PALM2AKAP2: variants seen among roughly 807,000 people sequenced by gnomAD.
The protein encoded by PALM2AKAP2 is PALM2-AKAP2 fusion protein.
Under a neutral mutation model 71.5 loss-of-function variants are expected in PALM2AKAP2, and 37 were observed. The observed-to-expected ratio is 0.52, with a 90% CI of 0.40 to 0.68. The LOEUF (loss-of-function observed/expected upper bound fraction) is 0.68, where lower values mean the gene tolerates loss of function less well. Ranked by LOEUF, PALM2AKAP2 falls within the 30% of genes least tolerant of loss-of-function variation. The pLI, the probability that PALM2AKAP2 is intolerant of heterozygous loss-of-function variation, is 0.00. For synonymous variants in PALM2AKAP2, 468 were observed against 478.8 expected (o/e 0.98, Z 0.29); for missense variants, 1,224 against 1,191.8 (o/e 1.03, Z -0.40).
intron 1 of PALM2AKAP2, among the ~76,000 whole-genome samples, chr9:109,658,262 T>C (rs964461674): frequency 1.3e-5 from 2 of 151,706 alleles, no homozygotes; most frequent in African/African-American, 4.9e-5. Context: ...GGCCATGGGA[T>C]GAATGATATC....
At chr9:110,127,319 T>G (rs929971046) in intron 1 of PALM2AKAP2, among the ~76,000 whole-genome samples, 4 of 152,124 alleles carry the variant, frequency 2.6e-5, no homozygotes, top group African/African-American at 9.7e-5. Context: ...CGGGTCCAAA[T>G]TTAGCCTGCG....
intron 6 of PALM2AKAP2, among the ~76,000 whole-genome samples, chr9:109,995,645 A>G (rs1005548230): frequency 2.6e-5 from 4 of 152,050 alleles, no homozygotes; most frequent in Non-Finnish European, 5.9e-5. Flanking sequence ...ATCTCACAAG[A>G]CTTATTCACT....
At chr9:110,160,177 G>C (rs1262775109) in intron 3 of PALM2AKAP2, among the ~76,000 whole-genome samples, 1 of 152,158 alleles carries the variant, frequency 6.6e-6, no homozygotes, top group Non-Finnish European at 1.5e-5. Flanking sequence ...TGAAGATGCA[G>C]CCCTGCACCA....
chr9:110,156,236 GCT>G (rs1836452208), intron 2 of PALM2AKAP2, 81 bp from the exon 9 acceptor site: 1 of 1,458,190 alleles, frequency 6.9e-7, no homozygotes, highest in Non-Finnish European at 9.1e-7. Flanking sequence ...AGAGGTTGTT[GCT>G]CTTTTATTTG....
chr9:109,953,771 G>C (rs1831689315), intron 6 of PALM2AKAP2, among the ~76,000 whole-genome samples: 3 of 149,456 alleles, frequency 2.0e-5, no homozygotes, highest in African/African-American at 7.5e-5. Context: ...GGAGGTGGAG[G>C]CTGCAGTGAG....
At chr9:110,086,010 G>A (rs1834563716) in intron 1 of PALM2AKAP2, among the ~76,000 whole-genome samples, 1 of 151,874 alleles carries the variant, frequency 6.6e-6, no homozygotes, top group African/African-American at 2.4e-5. Context: ...GGGAGGTTGA[G>A]GCAGGAGAAT....
exon 1 of PALM2AKAP2, chr9:109,640,858 C>T (rs1319975502): frequency 6.6e-7 from 1 of 1,518,474 alleles, no homozygotes; most frequent in Non-Finnish European, 8.8e-7. Flanking sequence ...CGCGGAGCCC[C>T]GCGATGGAGT....
intron 2 of PALM2AKAP2, among the ~76,000 whole-genome samples, chr9:110,152,261 T>C (rs1306068404): frequency 6.6e-6 from 1 of 151,958 alleles, no homozygotes; most frequent in African/African-American, 2.4e-5. Flanking sequence ...AAGTGTTCTA[T>C]AGAGTGTTCA....
intron 7 of PALM2AKAP2, among the ~76,000 whole-genome samples, chr9:110,026,711 C>T (rs1330325761): frequency 6.6e-6 from 1 of 152,138 alleles, no homozygotes; most frequent in Non-Finnish European, 1.5e-5. Context: ...TATTTAATTG[C>T]CTTCTCAAAG....
chr9:109,763,467 A>C (rs576352037), intron 1 of PALM2AKAP2, among the ~76,000 whole-genome samples: 1 of 152,334 alleles, frequency 6.6e-6, no homozygotes, highest in East Asian at 1.9e-4. Context: ...GAATGATACT[A>C]CCATATCCAG....
chr9:110,014,073 C>G (rs898814510), intron 6 of PALM2AKAP2, among the ~76,000 whole-genome samples: 1 of 152,138 alleles, frequency 6.6e-6, no homozygotes, highest in Non-Finnish European at 1.5e-5. Context: ...GCTATGAACT[C>G]AAAGCCTAAA....
chr9:109,650,950 C>CA (rs1412621897), intron 1 of PALM2AKAP2, among the ~76,000 whole-genome samples: 4 of 151,732 alleles, frequency 2.6e-5, no homozygotes, highest in African/African-American at 7.3e-5. Flanking sequence ...ATGTGTATGG[C>CA]AAAAAAAGAG....
chr9:110,084,987 G>A (rs1834535099), intron 1 of PALM2AKAP2, among the ~76,000 whole-genome samples: 1 of 151,990 alleles, frequency 6.6e-6, no homozygotes, highest in Non-Finnish European at 1.5e-5. Context: ...TGATCTGCCT[G>A]CCTCGGCCTC....
chr9:109,888,711 CAAA>C (rs34495775), intron 3 of PALM2AKAP2, among the ~76,000 whole-genome samples: 2 of 98,826 alleles, frequency 2.0e-5, no homozygotes, highest in African/African-American at 8.1e-5. Flanking sequence ...ATTTTGCCTC[CAAA>C]AAAAAAAAAA....
At chr9:109,910,773 C>G (rs1830552372) in intron 3 of PALM2AKAP2, among the ~76,000 whole-genome samples, 1 of 151,980 alleles carries the variant, frequency 6.6e-6, no homozygotes, top group South Asian at 2.1e-4. Context: ...GAGGCATGGA[C>G]TTGACTAGGA....
intron 1 of PALM2AKAP2, among the ~76,000 whole-genome samples, chr9:109,750,380 T>C (rs761311117): frequency 6.6e-6 from 1 of 152,110 alleles, no homozygotes; most frequent in African/African-American, 2.4e-5. Context: ...ATAAAATATA[T>C]ACAATTGCAA....
At chr9:109,855,392 A>G (rs1216150855) in intron 1 of PALM2AKAP2, among the ~76,000 whole-genome samples, 1 of 152,198 alleles carries the variant, frequency 6.6e-6, no homozygotes, top group East Asian at 1.9e-4. Context: ...TTTATCTTTA[A>G]TGGCTGTGTT....
intron 1 of PALM2AKAP2, among the ~76,000 whole-genome samples, chr9:109,799,620 T>C (rs10816871): frequency 0.18 from 27,015 of 152,074 alleles, 2,775 homozygotes; most frequent in East Asian, 0.35. Context: ...CATCCTCTCA[T>C]GTAGCTGAGA....
exon 1 of PALM2AKAP2, chr9:109,640,847 C>T (rs1827054737): frequency 1.3e-6 from 2 of 1,516,514 alleles, no homozygotes; most frequent in East Asian, 2.6e-5. Context: ...GCGCACCCGG[C>T]CGCGGAGCCC....
Sources: gnomAD v4.1 joint callset for allele counts (sites outside exome capture counted in the v4.1 genomes callset) on GRCh38, gnomAD v4.1.1 for gene constraint, MANE v1.5 for transcripts, NCBI Gene and HGNC (gene_info 2026-07-23, HGNC 2026-07-21) for gene names.